The following SDK1 variants were observed in gnomAD, a reference collection of about 807,000 sequenced individuals.
The protein encoded by SDK1 is protein sidekick-1.
SDK1 carries 157 observed loss-of-function variants against 245.5 expected under a neutral mutation model. That is an observed-to-expected ratio of 0.64 (90% CI 0.56 to 0.73). SDK1 has a LOEUF of 0.73. SDK1 is among the 30% of genes least tolerant of loss of function. The pLI is 0.00. For missense variants in SDK1, 3,583 were observed against 3,002.3 expected (o/e 1.19, Z -4.52); for synonymous variants, 1,647 against 1,278.5 (o/e 1.29, Z -6.15).
intron 1 of SDK1, among the ~76,000 whole-genome samples, chr7:3,439,010 G>A (rs1206076897): frequency 1.3e-5 from 2 of 151,722 alleles, no homozygotes; most frequent in African/African-American, 2.4e-5. Flanking sequence ...CTGCTACCAC[G>A]CCCAGCTCAC....
intron 1 of SDK1, among the ~76,000 whole-genome samples, chr7:3,531,950 T>C (rs888358589): frequency 3.9e-5 from 6 of 152,266 alleles, no homozygotes; most frequent in Non-Finnish European, 5.9e-5. Flanking sequence ...ACACCATTTA[T>C]CTGGTCATTT....
chr7:4,191,992 G>A (rs551890971), intron 35 of SDK1, among the ~76,000 whole-genome samples: 1 of 152,292 alleles, frequency 6.6e-6, no homozygotes, highest in African/African-American at 2.4e-5. Context: ...CCCTCGCCCT[G>A]CTCCTCCTCT....
chr7:4,186,814 G>GT (rs1340111345), intron 35 of SDK1, among the ~76,000 whole-genome samples: 3 of 152,176 alleles, frequency 2.0e-5, no homozygotes, highest in African/African-American at 7.2e-5. Context: ...CGTATAGACA[G>GT]TGCGGGTACA....
intron 1 of SDK1, among the ~76,000 whole-genome samples, chr7:3,323,993 G>A (rs1321082297): frequency 1.3e-5 from 2 of 152,154 alleles, no homozygotes; most frequent in African/African-American, 2.4e-5. Flanking sequence ...ATATTCCTCT[G>A]TGTGTTACAA....
chr7:3,678,923 A>G (rs1461826134), intron 4 of SDK1, among the ~76,000 whole-genome samples: 1 of 152,260 alleles, frequency 6.6e-6, no homozygotes, highest in Non-Finnish European at 1.5e-5. Flanking sequence ...TATCTTTAAA[A>G]AAACTTAAAT....
chr7:3,669,445 T>C (rs1046302926), intron 4 of SDK1, among the ~76,000 whole-genome samples: 3 of 152,184 alleles, frequency 2.0e-5, no homozygotes, highest in Non-Finnish European at 4.4e-5. Context: ...TTTGAGTTCT[T>C]ACTCTCCTTG....
Position 3,954,675 on chromosome 7 carries a change from A to G in SDK1, c.1150+2755A>G, listed in dbSNP as rs563419781. 1.5e-4 allele frequency among the ~76,000 whole-genome samples: 20 copies of G among 135,078 alleles called. No individual in the cohort carries two copies. The East Asian group carries it at 3.9e-3, about 26-fold the overall frequency. The allele number at this position is 135,078 out of a possible 152,430, so 88.6% of individuals were successfully genotyped here. ...CGCTTCCGTCCCACCTCCCTTCTAC[A>G]CCCTCTACACTGCACCATTCATGGG... On this transcript the variant is annotated intron_variant, in intron 7 of 44. Coordinates refer to ENST00000404826, the MANE Select transcript of SDK1 (RefSeq NM_152744.4).
intron 1 of SDK1, among the ~76,000 whole-genome samples, chr7:3,409,343 T>C (rs1391289959): frequency 6.6e-6 from 1 of 151,502 alleles, no homozygotes; most frequent in African/African-American, 2.4e-5. Flanking sequence ...TGAACAATAC[T>C]CTTGGTTAAC....
chr7:4,067,039 A>G (rs1779952821), intron 19 of SDK1, among the ~76,000 whole-genome samples: 1 of 152,212 alleles, frequency 6.6e-6, no homozygotes, highest in South Asian at 2.1e-4. Context: ...GAACATTTTC[A>G]TGGTGCCCGG....
intron 1 of SDK1, among the ~76,000 whole-genome samples, chr7:3,528,196 G>A (rs1783213614): frequency 6.8e-6 from 1 of 146,202 alleles, no homozygotes; most frequent in Non-Finnish European, 1.5e-5. Flanking sequence ...AGGTGAGGCT[G>A]GGTGTCAGTT....
chr7:3,381,790 T>C (rs1781493381), intron 1 of SDK1, among the ~76,000 whole-genome samples: 1 of 152,092 alleles, frequency 6.6e-6, no homozygotes, highest in Non-Finnish European at 1.5e-5. Flanking sequence ...TGCGGGTAAT[T>C]GGGCTGCAAT....
chr7:3,630,824 T>G (rs1261993326), intron 2 of SDK1, among the ~76,000 whole-genome samples: 1 of 152,172 alleles, frequency 6.6e-6, no homozygotes, highest in African/African-American at 2.4e-5. Context: ...AACAGATCCA[T>G]TTTTTCCAAA....
At chr7:3,952,522 G>A (rs1452268952) in intron 7 of SDK1, among the ~76,000 whole-genome samples, 1 of 152,212 alleles carries the variant, frequency 6.6e-6, no homozygotes, top group East Asian at 1.9e-4. Flanking sequence ...GGCAGAGGTT[G>A]CAGTGAGCCA....
intron 1 of SDK1, among the ~76,000 whole-genome samples, chr7:3,413,793 C>A (rs1445603986): frequency 6.6e-6 from 1 of 152,118 alleles, no homozygotes; most frequent in African/African-American, 2.4e-5. Context: ...TTTGAGACAG[C>A]CTTGGCAATG....
At chr7:3,620,373 G>T (rs1781900291) in intron 2 of SDK1, among the ~76,000 whole-genome samples, 1 of 151,728 alleles carries the variant, frequency 6.6e-6, no homozygotes, top group Non-Finnish European at 1.5e-5. Flanking sequence ...CGCGATCTTG[G>T]CTCACTGCAA....
At position 4,223,082 on chromosome 7, in the gene SDK1, C is replaced by CAA. The variant is rs79110419; in HGVS notation, c.5827+1733_5827+1734dup. ...TGGGTGACAGAGCAAGGCTCCGTCT[C>CAA]AAAAAAAAAAAAAAAAGTTTCTAGA... is the stretch of plus-strand genomic sequence containing the variant. On this transcript the variant is annotated intron_variant, in intron 40 of 44. Coordinates refer to ENST00000404826, the MANE Select transcript of SDK1 (RefSeq NM_152744.4). Among the ~76,000 whole-genome samples the CAA allele has an allele frequency of 3.8e-3, 350 of 93,108 alleles. 1 individual carries two copies. The highest frequency in any genetic ancestry group is 0.012 in the African/African-American group (307 of 26,152). The allele number at this position is 93,108 out of a possible 152,430, so 61.1% of individuals were successfully genotyped here. A position where few individuals can be genotyped will look rare whatever the true frequency, so the allele number is the denominator to read the frequency against.
At chr7:3,584,359 C>T (rs911398566) in intron 1 of SDK1, among the ~76,000 whole-genome samples, 29 of 152,158 alleles carry the variant, frequency 1.9e-4, no homozygotes, top group African/African-American at 7.0e-4. Context: ...TCACGTGAAA[C>T]CCCATCCCTT....
intron 22 of SDK1, among the ~76,000 whole-genome samples, chr7:4,085,116 G>A (rs900151365): frequency 9.9e-5 from 15 of 152,018 alleles, no homozygotes; most frequent in African/African-American, 3.4e-4. Flanking sequence ...GTGCTTTTTA[G>A]GACTCCTAAC....
At chr7:3,570,415 G>T (rs1226781839) in intron 1 of SDK1, among the ~76,000 whole-genome samples, 2 of 152,074 alleles carry the variant, frequency 1.3e-5, no homozygotes, top group Admixed American at 1.3e-4. Context: ...CTTGCCCACT[G>T]CTCACCTCCT....
Sources: allele counts gnomAD v4.1 joint callset (sites outside exome capture counted in the v4.1 genomes callset), GRCh38; gene constraint gnomAD v4.1.1; transcripts MANE v1.5; gene names NCBI Gene and HGNC (gene_info 2026-07-23, HGNC 2026-07-21).